CNOT4: variants seen among roughly 807,000 people sequenced by gnomAD.
CNOT4 encodes CCR4-NOT transcription complex subunit 4.
Under a neutral mutation model 73.8 loss-of-function variants are expected in CNOT4, and 8 were observed. The ratio of observed to expected loss-of-function variants is 0.11; its 90% confidence interval spans 0.06 to 0.20. The LOEUF is 0.20. Among genes scored for constraint, CNOT4 ranks in the 10% least tolerant of loss-of-function variants. The probability of loss-of-function intolerance (pLI) is 1.00; values close to 1 mark genes in which losing one functional copy is unlikely to be tolerated. For synonymous variants in CNOT4, 293 were observed against 321.1 expected (o/e 0.91, Z 0.94); for missense variants, 564 against 883.4 (o/e 0.64, Z 4.58).
At chr7:135,398,103 C>A in intron 8 of CNOT4, 66 bp downstream of exon 8, 1 of 852,212 alleles carries the variant, frequency 1.2e-6, no homozygotes, top group Non-Finnish European at 2.0e-6. Context: ...GAAAATTCAC[C>A]TGCATGGAAT....
chr7:135,384,616 G>A (rs916430716), intron 10 of CNOT4: 49 of 761,102 alleles, frequency 6.4e-5, no homozygotes, highest in Non-Finnish European at 1.0e-4. Flanking sequence ...CCACATGCTC[G>A]TCTCAGGAGC....
At chr7:135,409,329 C>T (rs796781293) in intron 7 of CNOT4, among the ~76,000 whole-genome samples, 6 of 152,212 alleles carry the variant, frequency 3.9e-5, no homozygotes, top group African/African-American at 1.4e-4. Flanking sequence ...TCTGTTTTGA[C>T]TTAGCTTTTA....
At chr7:135,419,980 G>C (rs969995501) in intron 3 of CNOT4, among the ~76,000 whole-genome samples, 3 of 152,070 alleles carry the variant, frequency 2.0e-5, no homozygotes, top group East Asian at 3.8e-4. Context: ...TTGAACCCAG[G>C]GGGTGGAGGC....
chr7:135,438,364 T>C lies in CNOT4; in HGVS notation c.-33A>G. ...TTTATTAAACAGCAGCAAAAGTTTA[T>C]AATAATTTAAGGGAGAAGGAAGTTC... On this transcript the variant is annotated 5_prime_UTR_variant, in exon 2 of 12. Transcript: ENST00000541284. The C allele has an allele frequency of 1.9e-6, 3 of 1,552,538 alleles. No homozygotes were observed. The highest frequency in any genetic ancestry group is 2.5e-5 in the South Asian group (2 of 81,088).
intron 1 of CNOT4, among the ~76,000 whole-genome samples, chr7:135,489,472 T>C (rs894038011): frequency 2.7e-5 from 4 of 147,124 alleles, no homozygotes; most frequent in African/African-American, 1.0e-4. Context: ...CTCAGCTCAC[T>C]GCAACCTCCG....
intron 1 of CNOT4, among the ~76,000 whole-genome samples, chr7:135,456,839 G>A (rs1036754778): frequency 6.6e-6 from 1 of 151,992 alleles, no homozygotes; most frequent in Non-Finnish European, 1.5e-5. Flanking sequence ...AGTACTATCT[G>A]CGGTTTCAGG....
At chr7:135,367,592 A>T (rs773163932) in intron 10 of CNOT4, among the ~76,000 whole-genome samples, 50 of 152,330 alleles carry the variant, frequency 3.3e-4, no homozygotes, top group Non-Finnish European at 5.3e-4. Context: ...CTGGTGGTCA[A>T]TACCGAACGG....
At chr7:135,469,928 TCTC>T (rs1322365104) in intron 1 of CNOT4, among the ~76,000 whole-genome samples, 1 of 152,036 alleles carries the variant, frequency 6.6e-6, no homozygotes, top group Non-Finnish European at 1.5e-5. Context: ...TTTAAGCAAT[TCTC>T]CTGCCTGAGC....
intron 1 of CNOT4, among the ~76,000 whole-genome samples, chr7:135,476,009 T>C (rs1206257887): frequency 6.6e-6 from 1 of 152,222 alleles, no homozygotes. Context: ...TAATTTTTCA[T>C]ATAAAATACT....
intron 2 of CNOT4, among the ~76,000 whole-genome samples, chr7:135,426,867 G>C (rs1255995173): frequency 6.6e-6 from 1 of 150,478 alleles, no homozygotes; most frequent in Non-Finnish European, 1.5e-5. Context: ...AGGTTGCAGT[G>C]AGTGGAGATC....
At chr7:135,483,628 A>G (rs1802530889) in intron 1 of CNOT4, among the ~76,000 whole-genome samples, 1 of 152,016 alleles carries the variant, frequency 6.6e-6, no homozygotes, top group Admixed American at 6.6e-5. Flanking sequence ...AGTTGAGACC[A>G]GCCTGCAAAA....
chr7:135,399,503 A>T (rs1413365600), intron 7 of CNOT4, among the ~76,000 whole-genome samples: 5 of 152,130 alleles, frequency 3.3e-5, no homozygotes, highest in Non-Finnish European at 1.5e-5. Flanking sequence ...CCAAAACAAA[A>T]CATTGATATG....
intron 1 of CNOT4, among the ~76,000 whole-genome samples, chr7:135,484,713 C>T (rs1802607319): frequency 6.6e-6 from 1 of 151,010 alleles, no homozygotes; most frequent in African/African-American, 2.4e-5. Flanking sequence ...CGAGATTGTG[C>T]CACTGCACTC....
At chr7:135,495,702 GAAAGAA>G (rs1803499457) in intron 1 of CNOT4, among the ~76,000 whole-genome samples, 1 of 23,758 alleles carries the variant, frequency 4.2e-5, no homozygotes, top group Non-Finnish European at 1.1e-4. Context: ...AAGAAAGAAA[GAAAGAA>G]AGAAAGAAAG....
At chr7:135,445,026 A>G in intron 1 of CNOT4, 1 of 809,732 alleles carries the variant, frequency 1.2e-6, no homozygotes, top group East Asian at 2.4e-5. Context: ...AATAACAGAT[A>G]AGTCTGTTGG....
At chr7:135,478,466 G>A (rs1212812533) in intron 1 of CNOT4, among the ~76,000 whole-genome samples, 1 of 152,156 alleles carries the variant, frequency 6.6e-6, no homozygotes, top group Admixed American at 6.6e-5. Flanking sequence ...ATAGGGCTGG[G>A]CACGGTGGCT....
At chr7:135,495,762 G>GAAAT (rs1252233775) in intron 1 of CNOT4, among the ~76,000 whole-genome samples, 24 of 129,322 alleles carry the variant, frequency 1.9e-4, no homozygotes, top group African/African-American at 5.2e-4. Flanking sequence ...AAGAAAGAAA[G>GAAAT]AAATTTAAGA....
In CNOT4 at chr7:135,395,828, A is replaced by G; in HGVS notation, c.935T>C (p.Val312Ala). 2.5e-6 allele frequency: 4 copies of G among 1,612,310 alleles called. No homozygotes were observed. The highest frequency in any genetic ancestry group is 2.5e-6 in the Non-Finnish European group (3 of 1,178,316). Residue 312 changes from valine (V) to alanine (A), a missense_variant, in exon 9 of 12, where the codon GTC (valine) becomes GCC (alanine). Coordinates refer to ENST00000541284, the MANE Select transcript of CNOT4 (RefSeq NM_001190850.2). Reference sequence around the variant, plus strand: ...GTGATTGGATGAACTGATGGGGATGACTGGATTGGATTTTGACAAACCAGG... The same window carrying G: ...GTGATTGGATGAACTGATGGGGATGGCTGGATTGGATTTTGACAAACCAGG... ...PPPGLSKSNPVIPISSSNHSA... is the reference protein window; with the variant it reads ...PPPGLSKSNPAIPISSSNHSA...
chr7:135,456,194 G>A (rs536105734), intron 1 of CNOT4, among the ~76,000 whole-genome samples: 32 of 152,222 alleles, frequency 2.1e-4, no homozygotes, highest in Admixed American at 1.6e-3. Flanking sequence ...AACTATCTAC[G>A]GACATTGAAA....
Sources: allele counts gnomAD v4.1 joint callset (sites outside exome capture counted in the v4.1 genomes callset), GRCh38; gene constraint gnomAD v4.1.1; transcripts MANE v1.5; gene names NCBI Gene and HGNC (gene_info 2026-07-23, HGNC 2026-07-21).